Variants in DTNBP1 observed in about 807,000 individuals in gnomAD.
DTNBP1 encodes the protein dystrobrevin binding protein 1.
Under a neutral mutation model 42.8 loss-of-function variants are expected in DTNBP1, and 35 were observed. That is an observed-to-expected ratio of 0.82 (90% confidence interval 0.63 to 1.09). The LOEUF (loss-of-function observed/expected upper bound fraction) is 1.09. Ranked by LOEUF, DTNBP1 falls within the 50% of genes least tolerant of loss-of-function variation. The pLI, the probability that DTNBP1 is intolerant of heterozygous loss-of-function variation, is 0.00. For synonymous variants in DTNBP1, 171 were observed against 162.2 expected (o/e 1.05, Z -0.41); for missense variants, 457 against 424.2 (o/e 1.08, Z -0.68).
At chr6:15,618,922 G>T (rs1387768223) in intron 5 of DTNBP1, among the ~76,000 whole-genome samples, 3 of 152,164 alleles carry the variant, frequency 2.0e-5, no homozygotes, top group Admixed American at 2.0e-4. Flanking sequence ...ACTATCATTC[G>T]CAGCAACATG....
At chr6:15,633,819 A>C (rs1759834956) in intron 4 of DTNBP1, among the ~76,000 whole-genome samples, 1 of 152,128 alleles carries the variant, frequency 6.6e-6, no homozygotes, top group Non-Finnish European at 1.5e-5. Context: ...AAAACTCTCA[A>C]CCAGAAAAAA....
At chr6:15,591,333 C>A (rs1776290611) in intron 7 of DTNBP1, among the ~76,000 whole-genome samples, 1 of 152,098 alleles carries the variant, frequency 6.6e-6, no homozygotes, top group African/African-American at 2.4e-5. Context: ...CTCCTGACCT[C>A]AGGTGATCCC....
chr6:15,634,519 C>A (rs982109210), intron 4 of DTNBP1, among the ~76,000 whole-genome samples: 9 of 152,220 alleles, frequency 5.9e-5, no homozygotes, highest in African/African-American at 1.9e-4. Context: ...GATTTCACCA[C>A]GTTGCTCAGG....
intron 7 of DTNBP1, among the ~76,000 whole-genome samples, chr6:15,539,650 T>G (rs1773446643): frequency 6.6e-6 from 1 of 152,236 alleles, no homozygotes; most frequent in Non-Finnish European, 1.5e-5. Context: ...GACCCTGGTC[T>G]AACATCCTTT....
At chr6:15,631,910 G>A (rs182727112) in intron 4 of DTNBP1, among the ~76,000 whole-genome samples, 97 of 152,200 alleles carry the variant, frequency 6.4e-4, no homozygotes, top group Non-Finnish European at 8.5e-4. Flanking sequence ...CATTTCTTCC[G>A]AGGAAAGAAA....
At chr6:15,569,380 C>CGT (rs1775243314) in intron 7 of DTNBP1, among the ~76,000 whole-genome samples, 1 of 117,260 alleles carries the variant, frequency 8.5e-6, no homozygotes, top group African/African-American at 3.4e-5. Flanking sequence ...CCGACAGGAA[C>CGT]GAAATCAGCG....
intron 5 of DTNBP1, among the ~76,000 whole-genome samples, chr6:15,620,771 G>A (rs567180467): frequency 6.6e-6 from 1 of 152,276 alleles, no homozygotes; most frequent in Admixed American, 6.5e-5. Context: ...GCATATGGGG[G>A]ACGGGTTAAG....
chr6:15,660,467 G>A (rs1761541731), intron 1 of DTNBP1: 45 of 1,289,682 alleles, frequency 3.5e-5, no homozygotes, highest in Non-Finnish European at 4.3e-5. Context: ...TCTCCACCAG[G>A]TGACAGGCTA....
At chr6:15,606,872 TAA>T (rs1003581265) in intron 6 of DTNBP1, among the ~76,000 whole-genome samples, 2 of 152,158 alleles carry the variant, frequency 1.3e-5, no homozygotes, top group African/African-American at 2.4e-5. Flanking sequence ...ACCAGAAAAT[TAA>T]AAGTTTTTCA....
intron 6 of DTNBP1, among the ~76,000 whole-genome samples, chr6:15,596,056 G>A (rs1432908539): frequency 1.3e-5 from 2 of 152,156 alleles, no homozygotes; most frequent in Non-Finnish European, 2.9e-5. Context: ...GGCACGTGGG[G>A]AAGAGCTAAT....
At chr6:15,639,668 A>C (rs1760225319) in intron 3 of DTNBP1, among the ~76,000 whole-genome samples, 1 of 152,262 alleles carries the variant, frequency 6.6e-6, no homozygotes, top group Non-Finnish European at 1.5e-5. Context: ...ACAAGTATTT[A>C]CTAAATGCTA....
intron 7 of DTNBP1, among the ~76,000 whole-genome samples, chr6:15,564,215 G>A (rs1047267574): frequency 6.6e-5 from 10 of 151,830 alleles, no homozygotes; most frequent in South Asian, 2.1e-4. Flanking sequence ...CATGTGCATC[G>A]GGCAAGGAAC....
intron 7 of DTNBP1, among the ~76,000 whole-genome samples, chr6:15,560,824 C>T (rs1409442602): frequency 2.0e-5 from 3 of 152,326 alleles, no homozygotes; most frequent in African/African-American, 7.2e-5. Context: ...GCACAAACCC[C>T]TGGCTGGGCT....
At chr6:15,583,134 C>A (rs1358276575) in intron 7 of DTNBP1, among the ~76,000 whole-genome samples, 2 of 152,098 alleles carry the variant, frequency 1.3e-5, no homozygotes, top group Non-Finnish European at 2.9e-5. Flanking sequence ...GTGCATGCCA[C>A]CATGCCCGGC....
chr6:15,522,849 C>T lies in DTNBP1; in HGVS notation c.*126G>A. On this transcript the variant is annotated 3_prime_UTR_variant, in exon 10 of 10. Coordinates refer to ENST00000344537, the MANE Select transcript of DTNBP1 (RefSeq NM_032122.5). Reference sequence around the variant, plus strand: ...TTATTGTTAGCTGTTCTTTAAGTTTCTCACACATTATTGGCAATTATGTAA... The same window carrying T: ...TTATTGTTAGCTGTTCTTTAAGTTTTTCACACATTATTGGCAATTATGTAA... 2.0e-6 allele frequency: 3 copies of T among 1,522,346 alleles called. No homozygotes were observed. The South Asian group carries it at 3.4e-5, about 17-fold the overall frequency. The allele number at this position is 1,522,346 out of a possible 1,614,324, so 94.3% of individuals were successfully genotyped here. A position where few individuals can be genotyped will look rare whatever the true frequency, so the allele number is the denominator to read the frequency against.
rs1454113750 is a variant in DTNBP1 at position 15,648,298 on chromosome 6, T to C, written c.161+3015A>G. 3.9e-5 allele frequency among the ~76,000 whole-genome samples: 6 copies of C among 152,160 alleles called. No individual in the cohort carries two copies. The South Asian group carries it at 1.0e-3, about 26-fold the overall frequency. On this transcript the variant is annotated intron_variant, in intron 3 of 9. Coordinates refer to ENST00000344537, the MANE Select transcript of DTNBP1 (RefSeq NM_032122.5). ...GACATTATACTCAATGTTGAAAGACTGAAAGCTTTTCCTGTAAGATCAGGA... is the reference window on the plus strand; with the variant it reads ...GACATTATACTCAATGTTGAAAGACCGAAAGCTTTTCCTGTAAGATCAGGA...
intron 7 of DTNBP1, among the ~76,000 whole-genome samples, chr6:15,543,797 T>A: frequency 6.6e-6 from 1 of 152,136 alleles, no homozygotes; most frequent in Non-Finnish European, 1.5e-5. Flanking sequence ...CCACCAAAAC[T>A]ACTCACCCTG....
intron 7 of DTNBP1, among the ~76,000 whole-genome samples, chr6:15,557,630 C>T (rs943687351): frequency 1.3e-5 from 2 of 151,858 alleles, no homozygotes; most frequent in Non-Finnish European, 1.5e-5. Context: ...GAAATCTGGC[C>T]CATGAAGAAG....
chr6:15,561,468 G>A (rs1053548658), intron 7 of DTNBP1, among the ~76,000 whole-genome samples: 15 of 152,324 alleles, frequency 9.8e-5, no homozygotes, highest in South Asian at 6.2e-4. Flanking sequence ...GAACTCAAGA[G>A]TTATGAATGG....
Sources: gnomAD v4.1 joint callset for allele counts (sites outside exome capture counted in the v4.1 genomes callset) on GRCh38, gnomAD v4.1.1 for gene constraint, MANE v1.5 for transcripts, NCBI Gene and HGNC (gene_info 2026-07-23, HGNC 2026-07-21) for gene names.